The following BLTP3A variants were observed in gnomAD, a reference collection of about 807,000 sequenced individuals.
The protein encoded by BLTP3A is bridge-like lipid transfer protein family member 3A, also known as ICBP90 binding protein 1.
At chr6:34,871,259 A>T in the BLTP3A span, 2 of 1,093,286 alleles carry the variant, frequency 1.8e-6, no homozygotes, top group Non-Finnish European at 2.6e-6. Flanking sequence ...GGAAATATTA[A>T]TACATATTTG....
the BLTP3A span, among the ~76,000 whole-genome samples, chr6:34,862,446 A>AT: frequency 1.1e-4 from 17 of 152,326 alleles, no homozygotes; most frequent in South Asian, 2.1e-3. Flanking sequence ...TGCTACAAAC[A>AT]TTTTTAAAGT....
chr6:34,839,636 G>T, the BLTP3A span, among the ~76,000 whole-genome samples: 4 of 152,362 alleles, frequency 2.6e-5, no homozygotes, highest in African/African-American at 9.6e-5. Context: ...AAGAACACTC[G>T]GTCGGTGGGG....
the BLTP3A span, among the ~76,000 whole-genome samples, chr6:34,852,082 C>T: frequency 2.6e-5 from 4 of 151,718 alleles, no homozygotes; most frequent in Admixed American, 1.3e-4. Context: ...AGCCTGGAAT[C>T]GGGGACCCCA....
the BLTP3A span, among the ~76,000 whole-genome samples, chr6:34,812,834 G>T: frequency 5.4e-4 from 83 of 152,334 alleles, 1 homozygote; most frequent in Admixed American, 3.9e-3. Flanking sequence ...TATCTGGGAT[G>T]AAATGGCATT....
the BLTP3A span, among the ~76,000 whole-genome samples, chr6:34,798,117 A>G: frequency 6.6e-6 from 1 of 152,250 alleles, no homozygotes; most frequent in African/African-American, 2.4e-5. Flanking sequence ...TTCTAACAGC[A>G]TAGATTCAAT....
chr6:34,858,623 T>C, the BLTP3A span: 1 of 1,614,112 alleles, frequency 6.2e-7, no homozygotes, highest in Non-Finnish European at 8.5e-7. Flanking sequence ...TCAGCCAGTT[T>C]TGGAAGTCCT....
chr6:34,849,065 C>G, the BLTP3A span, among the ~76,000 whole-genome samples: 1 of 146,580 alleles, frequency 6.8e-6, no homozygotes, highest in African/African-American at 2.5e-5. Flanking sequence ...GTGGCGTGAT[C>G]TCAGCTCATT....
chr6:34,857,999 T>C, the BLTP3A span: 4 of 1,562,086 alleles, frequency 2.6e-6, no homozygotes, highest in African/African-American at 4.1e-5. Flanking sequence ...GGTTTTGCTC[T>C]GTCCATTTTG....
chr6:34,822,274 A>T, the BLTP3A span, among the ~76,000 whole-genome samples: 6 of 139,188 alleles, frequency 4.3e-5, no homozygotes, highest in African/African-American at 1.6e-4. Context: ...TTTTTTTGAG[A>T]TGGAGTTTTG....
the BLTP3A span, chr6:34,871,488 C>T: frequency 1.1e-5 from 14 of 1,222,124 alleles, no homozygotes; most frequent in Non-Finnish European, 3.6e-6. Flanking sequence ...GACAAACTGG[C>T]ATAAAGCTGC....
the BLTP3A span, chr6:34,872,562 C>T: frequency 1.6e-6 from 2 of 1,250,850 alleles, no homozygotes; most frequent in Non-Finnish European, 2.1e-6. Flanking sequence ...CTGGGGAGCA[C>T]TCACTTCACT....
At chr6:34,858,943 C>G in the BLTP3A span, 1 of 1,614,126 alleles carries the variant, frequency 6.2e-7, no homozygotes, top group Non-Finnish European at 8.5e-7. Context: ...GACTGGGTCT[C>G]CCCTGCAGAA....
chr6:34,855,724 G>A, the BLTP3A span: 1 of 1,612,722 alleles, frequency 6.2e-7, no homozygotes, highest in East Asian at 2.2e-5. Context: ...CTCTGAATGG[G>A]GCCAATTCTC....
chr6:34,866,816 A>G, the BLTP3A span, among the ~76,000 whole-genome samples: 6 of 152,238 alleles, frequency 3.9e-5, no homozygotes, highest in Admixed American at 2.6e-4. Flanking sequence ...GGTACCTCAT[A>G]TAAGTGGAAT....
the BLTP3A span, among the ~76,000 whole-genome samples, chr6:34,855,355 C>T: frequency 8.5e-3 from 1,293 of 152,278 alleles, 19 homozygotes; most frequent in African/African-American, 0.027. Context: ...CGGTCTCTTT[C>T]GCCTTTCTGG....
At chr6:34,834,413 G>A in the BLTP3A span, 808 of 1,612,478 alleles carry the variant, frequency 5.0e-4, 6 homozygotes, top group African/African-American at 8.8e-3. Flanking sequence ...AGAGGTGACA[G>A]CCCCATCATT....
chr6:34,808,044 T>G, the BLTP3A span, among the ~76,000 whole-genome samples: 1 of 139,148 alleles, frequency 7.2e-6, no homozygotes, highest in East Asian at 2.2e-4. Context: ...TGTCTAATAA[T>G]AAGAATAGAA....
the BLTP3A span, chr6:34,863,978 G>GTT: frequency 3.3e-4 from 484 of 1,475,270 alleles, 1 homozygote; most frequent in African/African-American, 8.1e-4. Flanking sequence ...CACATTTGTG[G>GTT]TTTTTGTTTT....
chr6:34,849,188 G>A, the BLTP3A span, among the ~76,000 whole-genome samples: 3 of 151,870 alleles, frequency 2.0e-5, no homozygotes, highest in South Asian at 2.1e-4. Flanking sequence ...CAGTAGAGAC[G>A]GGGTTTCGCC....
Sources: allele counts gnomAD v4.1 joint callset (sites outside exome capture counted in the v4.1 genomes callset), GRCh38; gene constraint gnomAD v4.1.1; transcripts MANE v1.5; gene names NCBI Gene and HGNC (gene_info 2026-07-23, HGNC 2026-07-21).